The following PAX5 variants were observed in gnomAD, a reference collection of about 807,000 sequenced individuals.
PAX5 encodes paired box protein Pax-5.
In PAX5, 9 loss-of-function variants were observed where a neutral mutation model predicts 43.7. That is an observed-to-expected ratio of 0.21 (90% CI 0.12 to 0.36). PAX5 has a LOEUF of 0.36. PAX5 is among the 10% of genes least tolerant of loss of function. The pLI is 1.00. For missense variants in PAX5, 383 were observed against 532.7 expected (o/e 0.72, Z 2.77); for synonymous variants, 228 against 214.3 (o/e 1.06, Z -0.56).
At chr9:36,997,824 C>T (rs1027752586) in intron 5 of PAX5, among the ~76,000 whole-genome samples, 3 of 152,218 alleles carry the variant, frequency 2.0e-5, no homozygotes, top group Admixed American at 2.0e-4. Context: ...TGATTTGTGG[C>T]CCCTGCCCTG....
At chr9:37,028,108 C>CA (rs1394336879) in intron 1 of PAX5, among the ~76,000 whole-genome samples, 2 of 151,818 alleles carry the variant, frequency 1.3e-5, no homozygotes, top group Non-Finnish European at 1.5e-5. Context: ...GGGAAGTCTC[C>CA]AAAAAAACCA....
intron 1 of PAX5, among the ~76,000 whole-genome samples, chr9:37,029,660 C>G (rs1029361032): frequency 6.6e-6 from 1 of 152,200 alleles, no homozygotes; most frequent in Non-Finnish European, 1.5e-5. Context: ...GGCCCAGACT[C>G]AACATGGCGG....
At chr9:36,889,681 T>C (rs937986403) in intron 7 of PAX5, among the ~76,000 whole-genome samples, 2 of 152,196 alleles carry the variant, frequency 1.3e-5, no homozygotes, top group African/African-American at 4.8e-5. Flanking sequence ...AGAACTGCTC[T>C]CATTCCTGTT....
At chr9:37,033,889 G>A (rs917840132) in intron 1 of PAX5, 97 bp downstream of exon 1, 9 of 1,045,260 alleles carry the variant, frequency 8.6e-6, no homozygotes, top group Non-Finnish European at 1.3e-5. Flanking sequence ...ACGAAAATGC[G>A]GCGCGCCCCC....
chr9:37,016,673 G>C (rs1839414807), intron 2 of PAX5, among the ~76,000 whole-genome samples: 1 of 152,172 alleles, frequency 6.6e-6, no homozygotes, highest in African/African-American at 2.4e-5. Flanking sequence ...TCTTGCAGTT[G>C]AATCTGTTTT....
At chr9:37,020,559 C>CATATTGG in intron 2 of PAX5, 77 bp downstream of exon 2, 1 of 1,407,846 alleles carries the variant, frequency 7.1e-7, no homozygotes, top group East Asian at 2.3e-5. Flanking sequence ...ATGATACTGT[C>CATATTGG]ATATTGGACA....
At position 36,919,421 on chromosome 9, in the gene PAX5, G is replaced by A. The variant is rs145286080; in HGVS notation, c.910+3934C>T. Among the ~76,000 whole-genome samples the A allele has an allele frequency of 8.5e-5, 13 of 152,270 alleles. No homozygotes were observed. In the East Asian group the frequency reaches 1.2e-3, roughly 14 times the overall value. Reference sequence around the variant, plus strand: ...ATCAAGGAAGAATTTCAACTTTCACGTTGTCTTATTTAAGAAATACATTTT... The same window carrying A: ...ATCAAGGAAGAATTTCAACTTTCACATTGTCTTATTTAAGAAATACATTTT... On this transcript the variant is annotated intron_variant, in intron 7 of 9. Coordinates refer to ENST00000358127, the MANE Select transcript of PAX5 (RefSeq NM_016734.3).
At chr9:36,902,022 G>T (rs953159017) in intron 7 of PAX5, among the ~76,000 whole-genome samples, 2 of 152,110 alleles carry the variant, frequency 1.3e-5, no homozygotes, top group Non-Finnish European at 2.9e-5. Context: ...GGTGAGGGAG[G>T]GCTCCCATCC....
chr9:37,019,758 G>C (rs912275527), intron 2 of PAX5, among the ~76,000 whole-genome samples: 20 of 152,120 alleles, frequency 1.3e-4, no homozygotes, highest in African/African-American at 4.8e-4. Context: ...TGCCTGCCAG[G>C]GCAGACCTAA....
intron 8 of PAX5, among the ~76,000 whole-genome samples, chr9:36,849,655 C>T (rs1392861739): frequency 6.6e-6 from 1 of 152,208 alleles, no homozygotes; most frequent in African/African-American, 2.4e-5. Context: ...TGCTATGTGC[C>T]AGGATCCAAA....
chr9:36,995,618 A>G (rs1837325061), intron 5 of PAX5, among the ~76,000 whole-genome samples: 1 of 152,066 alleles, frequency 6.6e-6, no homozygotes, highest in Non-Finnish European at 1.5e-5. Context: ...GATGCCAAGG[A>G]TTTTCCACAG....
intron 5 of PAX5, among the ~76,000 whole-genome samples, chr9:36,968,445 C>A (rs1285556670): frequency 6.6e-6 from 1 of 152,212 alleles, no homozygotes; most frequent in Non-Finnish European, 1.5e-5. Context: ...TGAGTTTTGG[C>A]CTTTCGGATC....
At chr9:36,985,174 T>C (rs577615942) in intron 5 of PAX5, among the ~76,000 whole-genome samples, 1 of 152,280 alleles carries the variant, frequency 6.6e-6, no homozygotes, top group South Asian at 2.1e-4. Context: ...GGGTGGTGAT[T>C]GTCACCGGGT....
In PAX5 at chr9:36,882,134, G is replaced by A; in HGVS notation, c.911-29C>T. 6.5e-7 allele frequency: 1 copy of A among 1,539,580 alleles called. No individual in the cohort carries two copies. The highest frequency in any genetic ancestry group is 8.8e-7 in the Non-Finnish European group (1 of 1,131,660). On this transcript the variant is annotated intron_variant, in intron 7 of 9. Transcript: ENST00000358127. This position sits in a 1 kb window ranked among gnomAD's most constrained non-coding sequence, Gnocchi z 4.4. ...AGGAATCAAAGCAACAAATCACAGG[G>A]TGAGCATCTTCGCGGCCAGCCGCTC...
At chr9:36,875,933 G>C (rs1037704556) in intron 8 of PAX5, among the ~76,000 whole-genome samples, 1 of 152,224 alleles carries the variant, frequency 6.6e-6, no homozygotes, top group Non-Finnish European at 1.5e-5. Flanking sequence ...AGGGAGAAAA[G>C]TGTCTGTTGT....
chr9:37,029,012 TG>T (rs1840700138), intron 1 of PAX5, among the ~76,000 whole-genome samples: 1 of 152,216 alleles, frequency 6.6e-6, no homozygotes, highest in Non-Finnish European at 1.5e-5. Context: ...GTGAGCCATC[TG>T]GGCCCTGGCT....
chr9:36,862,147 T>C (rs544779180), intron 8 of PAX5, among the ~76,000 whole-genome samples: 1,535 of 152,236 alleles, frequency 0.01, 25 homozygotes, highest in African/African-American at 0.035. Context: ...CTTGGGCCTC[T>C]CTACCTCTCG....
chr9:36,931,903 G>A (rs944282908), intron 6 of PAX5, among the ~76,000 whole-genome samples: 6 of 151,516 alleles, frequency 4.0e-5, no homozygotes, highest in Non-Finnish European at 8.8e-5. Context: ...GGCAATGTGA[G>A]CACCAACTGA....
At chr9:37,016,567 T>A (rs944065) in intron 2 of PAX5, among the ~76,000 whole-genome samples, 134,998 of 152,164 alleles carry the variant, frequency 0.89, 61,498 homozygotes, top group Non-Finnish European at 1. Flanking sequence ...CAGGGGGGGA[T>A]AATTGACATA....
Sources: allele counts gnomAD v4.1 joint callset (sites outside exome capture counted in the v4.1 genomes callset), GRCh38; gene constraint gnomAD v4.1.1; non-coding constraint Gnocchi (gnomAD v3.1); transcripts MANE v1.5; gene names NCBI Gene and HGNC (gene_info 2026-07-23, HGNC 2026-07-21).